SRGAP2: variants seen among roughly 807,000 people sequenced by gnomAD.
The protein encoded by SRGAP2 is SLIT-ROBO Rho GTPase-activating protein 2.
In SRGAP2, 15 loss-of-function variants were observed where a neutral mutation model predicts 57.2. The observed-to-expected ratio is 0.26, with a 90% CI of 0.18 to 0.40. SRGAP2 has a LOEUF of 0.40. Among genes scored for constraint, SRGAP2 ranks in the 10% least tolerant of loss-of-function variants. The pLI is 1.00. For synonymous variants in SRGAP2, 249 were observed against 248.0 expected, an observed-to-expected ratio of 1.00 and a Z score of -0.04; for missense variants, 520 against 669.6, an observed-to-expected ratio of 0.78 and a Z score of 2.47.
chr1:206,421,202 C>A, intron 12 of SRGAP2, 48 bp from the exon 13 acceptor site: 1 of 756,814 alleles, frequency 1.3e-6, no homozygotes. Context: ...CTCTTTTTCT[C>A]CCTTGTTGCT....
chr1:206,458,836 C>G lies in SRGAP2; in HGVS notation c.2721C>G (p.His907Gln), dbSNP rs1553379490. 1.3e-6 allele frequency: 1 copy of G among 780,774 alleles called. No individual in the cohort carries two copies. Among genetic ancestry groups the G allele is most frequent in the Admixed American group, 1.7e-5 (1 of 59,024 alleles). 48.4% of individuals were successfully genotyped at this position (780,774 alleles called of 1,614,324 possible). The part of the protein sequence containing the change: ...GHGSLNSISR[H>Q]SSLKNRLDSP... ...GGAGCCTCAACTCCATCAGCCGCCA[C>G]TCATCCCTGAAGAATCGGCTGGATA... is the stretch of plus-strand genomic sequence containing the variant. Residue 907 changes from histidine to glutamine, a missense_variant, in exon 22 of 23, where the codon CAC (histidine) becomes CAG (glutamine). Transcript: ENST00000573034.
rs1654711063 is a variant in SRGAP2, at chr1:206,372,943, CTTTCTTTCTTTCTTTTCTTTCCTTTCTTT to C, written c.424-11070_424-11042del. Among the ~76,000 whole-genome samples the C allele has an allele frequency of 4.6e-3, 40 of 8,702 alleles. 4 individuals carry two copies. The highest frequency in any genetic ancestry group is 0.034 in the African/African-American group (35 of 1,022). 5.7% of individuals were successfully genotyped at this position (8,702 alleles called of 152,430 possible). ...TCTTTCTTTCTTTCTTTCTTTCTTT[CTTTCTTTCTTTCTTTTCTTTCCTTTCTTT>C]CTTTCTTTCTTTCTTTCTTTCTTTC... On this transcript the variant is annotated intron_variant, in intron 4 of 22. Transcript: ENST00000573034.
At chr1:206,456,951 G>C (rs1553378693) in intron 21 of SRGAP2, among the ~76,000 whole-genome samples, 1 of 152,176 alleles carries the variant, frequency 6.6e-6, no homozygotes, top group Non-Finnish European at 1.5e-5. Flanking sequence ...CTTTGGGGAA[G>C]CCATTCTGAC....
chr1:206,218,244 C>T (rs1179687978), intron 2 of SRGAP2, among the ~76,000 whole-genome samples: 2 of 151,416 alleles, frequency 1.3e-5, no homozygotes, highest in African/African-American at 2.4e-5. Context: ...ACCTGGGATG[C>T]GGAGGTTGCA....
chr1:206,337,073 G>A (rs201233107), intron 3 of SRGAP2, among the ~76,000 whole-genome samples: 159 of 133,698 alleles, frequency 1.2e-3, no homozygotes, highest in Middle Eastern at 3.6e-3. Flanking sequence ...GCAGATTGGC[G>A]GGTTTGATAG....
At chr1:206,422,891 A>C (rs1169455773) in intron 13 of SRGAP2, among the ~76,000 whole-genome samples, 1 of 152,228 alleles carries the variant, frequency 6.6e-6, no homozygotes, top group Admixed American at 6.5e-5. Flanking sequence ...CTGCTGCCCC[A>C]GTTTCTCTCT....
At position 206,325,012 on chromosome 1, in the gene SRGAP2, T is replaced by TTCCC. The variant is rs782481569; in HGVS notation, c.261-17814_261-17811dup. On this transcript the variant is annotated intron_variant, in intron 3 of 22. Transcript: ENST00000573034. ...TATGCAAATTATAATGTTTCCCCGC[T>TTCCC]TCCCTCCCTCCCTCCCTCCCTCCTT... 5.2e-3 allele frequency among the ~76,000 whole-genome samples: 765 copies of TTCCC among 146,104 alleles called. 9 individuals are homozygous for TTCCC. Among genetic ancestry groups the TTCCC allele is most frequent in the African/African-American group, 0.017 (685 of 39,150 alleles).
At position 206,421,139 on chromosome 1, in the gene SRGAP2, A is replaced by G. The variant is rs1660266204; in HGVS notation, c.1470-111A>G. ...CACACAGATTTTTTTTAATTATTAA[A>G]AACTTTACTTCTGGGTTTAAGAGTG... On this transcript the variant is annotated intron_variant, in intron 12 of 22. Coordinates refer to ENST00000573034, the MANE Select transcript of SRGAP2 (RefSeq NM_015326.5). 5.2e-6 allele frequency: 3 copies of G among 576,260 alleles called. No homozygotes were observed. The East Asian group carries it at 9.1e-5, about 17-fold the overall frequency. 35.7% of individuals were successfully genotyped at this position (576,260 alleles called of 1,614,324 possible). A position where few individuals can be genotyped will look rare whatever the true frequency, so the allele number is the denominator to read the frequency against.
chr1:206,453,972 G>A (rs1352374346), intron 20 of SRGAP2: 2 of 612,838 alleles, frequency 3.3e-6, no homozygotes, highest in African/African-American at 1.8e-5. Context: ...TGGTCCCAGA[G>A]AGATCTCATC....
At chr1:206,237,346 AGGGCTTTTTCTTAAAGTGT>A (rs1667975108) in intron 2 of SRGAP2, among the ~76,000 whole-genome samples, 2 of 152,204 alleles carry the variant, frequency 1.3e-5, no homozygotes, top group Admixed American at 6.5e-5. Flanking sequence ...TATGTGGGCC[AGGGCTTTTTCTTAAAGTGT>A]GGATCTTTCA....
At chr1:206,302,557 T>C (rs1262231228) in intron 2 of SRGAP2, among the ~76,000 whole-genome samples, 2 of 152,138 alleles carry the variant, frequency 1.3e-5, no homozygotes. Flanking sequence ...AAAAAATCTC[T>C]TTCCAAGTCT....
chr1:206,208,984 G>A (rs1230634523), intron 2 of SRGAP2, among the ~76,000 whole-genome samples: 13 of 149,496 alleles, frequency 8.7e-5, no homozygotes, highest in African/African-American at 3.0e-4. Context: ...ATAGTAGTGA[G>A]TTGTTGATGA....
At chr1:206,244,745 A>C (rs1668438884) in intron 2 of SRGAP2, among the ~76,000 whole-genome samples, 1 of 152,146 alleles carries the variant, frequency 6.6e-6, no homozygotes, top group Non-Finnish European at 1.5e-5. Context: ...TTTACTCAGA[A>C]CACCAAGCCC....
rs114991788 is a variant in SRGAP2 at position 206,451,803 on chromosome 1, G to A, written c.2179+1338G>A. ...TGAGAAAATGCAGGTCAGGGAGGTCGAGTAACGTACCCGAGGCTGTAGAGA... is the reference window on the plus strand; with the variant it reads ...TGAGAAAATGCAGGTCAGGGAGGTCAAGTAACGTACCCGAGGCTGTAGAGA... On this transcript the variant is annotated intron_variant, in intron 19 of 22. Coordinates refer to ENST00000573034, the MANE Select transcript of SRGAP2 (RefSeq NM_015326.5). 7.2e-3 allele frequency among the ~76,000 whole-genome samples: 1,102 copies of A among 152,290 alleles called. 12 individuals are homozygous for A. The highest frequency in any genetic ancestry group is 0.026 in the African/African-American group (1,062 of 41,548).
chr1:206,359,851 G>A (rs1676762054), intron 4 of SRGAP2, among the ~76,000 whole-genome samples: 1 of 114,636 alleles, frequency 8.7e-6, no homozygotes, highest in African/African-American at 3.6e-5. Context: ...CTGTCGCCCA[G>A]GCTGGAGTGC....
intron 3 of SRGAP2, among the ~76,000 whole-genome samples, chr1:206,313,238 G>A (rs1207023825): frequency 1.3e-4 from 17 of 135,462 alleles, no homozygotes; most frequent in Non-Finnish European, 2.3e-4. Flanking sequence ...TAAACTCTTA[G>A]AGGACAGAGA....
chr1:206,213,669 C>T (rs1402933739), intron 2 of SRGAP2, among the ~76,000 whole-genome samples: 6 of 152,042 alleles, frequency 3.9e-5, no homozygotes, highest in African/African-American at 1.5e-4. Context: ...TCTGTAATCC[C>T]AGCACTTTGA....
chr1:206,430,579 GC>G (rs1363706217), intron 14 of SRGAP2, among the ~76,000 whole-genome samples: 36 of 152,206 alleles, frequency 2.4e-4, no homozygotes, highest in Admixed American at 2.4e-3. Context: ...CCACTGTACA[GC>G]CTGACCATTT....
At position 206,438,053 on chromosome 1, in the gene SRGAP2, C is replaced by T; in HGVS notation, c.1723C>T (p.Pro575Ser). The change falls in exon 16 of 23, where the codon CCT (proline) becomes TCT (serine). Residue 575 changes from proline (P) to serine (S), a missense_variant. Physicochemically the swap from Pro to Ser is moderately conservative, Grantham distance 74 (BLOSUM62 -1). This residue lies in a region of SRGAP2 where 478 missense variants were observed against 373.6 expected (regional missense o/e 1.28). Coordinates refer to ENST00000573034, the MANE Select transcript of SRGAP2 (RefSeq NM_015326.5). ...LKLYFRGLEH[P>S]LFPKDIFHDL... is the part of the protein sequence containing the mutation. ...GCTTTACTTCCGGGGGCTGGAACAC[C>T]CTCTCTTCCCCAAGGACATCTTTCA... 1.3e-6 allele frequency: 1 copy of T among 780,850 alleles called. No homozygotes were observed. The highest frequency in any genetic ancestry group is 2.4e-6 in the Non-Finnish European group (1 of 417,966). 48.4% of individuals were successfully genotyped at this position (780,850 alleles called of 1,614,324 possible). A position where few individuals can be genotyped will look rare whatever the true frequency, so the allele number is the denominator to read the frequency against.
Sources: gnomAD v4.1 joint callset for allele counts (sites outside exome capture counted in the v4.1 genomes callset) on GRCh38, gnomAD v4.1.1 for gene constraint, gnomAD v4.1.1 regional missense constraint, MANE v1.5 for transcripts, NCBI Gene and HGNC (gene_info 2026-07-23, HGNC 2026-07-21) for gene names.